Variants in SOS1 observed in about 807,000 individuals in gnomAD.
The protein encoded by SOS1 is SOS Ras/Rac guanine nucleotide exchange factor 1.
SOS1 carries 25 observed loss-of-function variants against 157.6 expected under a neutral mutation model. The observed-to-expected ratio is 0.16, with a 90% CI of 0.12 to 0.22. The LOEUF (loss-of-function observed/expected upper bound fraction) is 0.22. SOS1 is among the 10% of genes least tolerant of loss of function. The pLI is 1.00. For synonymous variants in SOS1, 528 were observed against 534.0 expected (o/e 0.99, Z 0.16); for missense variants, 1,237 against 1,599.1 (o/e 0.77, Z 3.86).
chr2:39,115,472 T>C (rs1033224014), intron 1 of SOS1, among the ~76,000 whole-genome samples: 11 of 135,886 alleles, frequency 8.1e-5, no homozygotes, highest in Admixed American at 5.7e-4. Flanking sequence ...TGGAGTGCAA[T>C]AGCACAATCA....
intron 1 of SOS1, among the ~76,000 whole-genome samples, chr2:39,113,977 A>G (rs371131805): frequency 6.6e-5 from 10 of 152,216 alleles, no homozygotes; most frequent in Admixed American, 3.9e-4. Flanking sequence ...TACTATCACA[A>G]TAAAACTGCT....
At chr2:39,035,584 C>A in intron 6 of SOS1, 84 bp from the exon 7 acceptor site, 2 of 952,238 alleles carry the variant, frequency 2.1e-6, no homozygotes, top group Non-Finnish European at 3.4e-6. Flanking sequence ...ACTATGCGAG[C>A]ACAATTATGT....
At chr2:39,075,616 G>C (rs2924710) in intron 1 of SOS1, among the ~76,000 whole-genome samples, 141,597 of 151,758 alleles carry the variant, frequency 0.93, 66,183 homozygotes, top group African/African-American at 0.97. Flanking sequence ...CCAGCCTGGA[G>C]AAAACAGACA....
intron 1 of SOS1, among the ~76,000 whole-genome samples, chr2:39,106,662 C>CTGG: frequency 6.7e-6 from 1 of 148,896 alleles, no homozygotes; most frequent in Non-Finnish European, 1.5e-5. Context: ...CTTTAAATTA[C>CTGG]TTATTTTCCC....
intron 1 of SOS1, among the ~76,000 whole-genome samples, chr2:39,084,549 C>A (rs1048826805): frequency 1.3e-5 from 2 of 151,838 alleles, no homozygotes; most frequent in African/African-American, 2.4e-5. Flanking sequence ...ATTCCTCCCC[C>A]AAAGCTCTAC....
At chr2:39,104,711 G>A (rs1037685407) in intron 1 of SOS1, among the ~76,000 whole-genome samples, 1 of 152,164 alleles carries the variant, frequency 6.6e-6, no homozygotes, top group South Asian at 2.1e-4. Context: ...ATGTCCACCT[G>A]AATAGAGTAT....
At chr2:39,013,791 G>T in intron 12 of SOS1, 76 bp downstream of exon 12, 1 of 1,282,982 alleles carries the variant, frequency 7.8e-7, no homozygotes, top group Non-Finnish European at 1.1e-6. Flanking sequence ...CCTTGTTTGG[G>T]AAAGGTCCTT....
upstream of SOS1, among the ~76,000 whole-genome samples, chr2:39,122,879 G>A (rs1252942947): frequency 1.3e-5 from 2 of 152,032 alleles, no homozygotes; most frequent in East Asian, 3.9e-4. Flanking sequence ...TGTGATATGG[G>A]GGAAGAGATT....
upstream of SOS1, among the ~76,000 whole-genome samples, chr2:39,123,382 CA>C (rs1285619107): frequency 2.1e-5 from 3 of 146,202 alleles, no homozygotes; most frequent in Non-Finnish European, 3.0e-5. Context: ...TTTTCTGAGA[CA>C]GAGTCTCATT....
At chr2:39,034,612 G>A (rs1347166495) in intron 8 of SOS1, among the ~76,000 whole-genome samples, 2 of 152,130 alleles carry the variant, frequency 1.3e-5, no homozygotes, top group Admixed American at 6.5e-5. Context: ...AAAGAAAAAA[G>A]AGACAACCCC....
intron 1 of SOS1, among the ~76,000 whole-genome samples, chr2:39,101,830 C>A (rs1245444634): frequency 6.6e-6 from 1 of 152,150 alleles, no homozygotes; most frequent in African/African-American, 2.4e-5. Context: ...CTTAATGCTA[C>A]TCACTGCTTG....
At chr2:39,038,747 A>AAAAAAAAAAAAAAAAAAAAAAAAT (rs1558482387) in intron 6 of SOS1, among the ~76,000 whole-genome samples, 1 of 147,480 alleles carries the variant, frequency 6.8e-6, no homozygotes, top group African/African-American at 2.5e-5. Context: ...AAAAAAAAAA[A>AAAAAAAAAAAAAAAAAAAAAAAAT]AGTCGTTTCT....
intron 8 of SOS1, among the ~76,000 whole-genome samples, chr2:39,026,105 C>T (rs1015312422): frequency 1.3e-5 from 2 of 151,998 alleles, no homozygotes; most frequent in Non-Finnish European, 2.9e-5. Flanking sequence ...GCCTGTAATC[C>T]CAGCACTTTG....
chr2:39,083,352 T>C (rs1558505594), intron 1 of SOS1, among the ~76,000 whole-genome samples: 1 of 152,014 alleles, frequency 6.6e-6, no homozygotes, highest in African/African-American at 2.4e-5. Flanking sequence ...AATCAGGAAA[T>C]GGTGGTTAGG....
chr2:39,005,892 G>A (rs554938611), intron 17 of SOS1, among the ~76,000 whole-genome samples: 2 of 152,132 alleles, frequency 1.3e-5, no homozygotes, highest in African/African-American at 4.8e-5. Context: ...GAAAAAGATA[G>A]AGGAACCTAC....
At chr2:39,003,075 A>AACAAAC in intron 17 of SOS1, among the ~76,000 whole-genome samples, 1 of 151,622 alleles carries the variant, frequency 6.6e-6, no homozygotes, top group African/African-American at 2.4e-5. Flanking sequence ...TCAAAAAAAA[A>AACAAAC]AAAGAACGTA....
chr2:39,120,980 G>A lies in SOS1; in HGVS notation c.-558C>T, dbSNP rs1673863238. 2 of 175,918 alleles carry A rather than the reference G, an allele frequency of 1.1e-5. No individual in the cohort carries two copies. Among genetic ancestry groups the A allele is most frequent in the Non-Finnish European group, 2.3e-5 (2 of 86,204 alleles). The allele number at this position is 175,918 out of a possible 1,614,324, so 10.9% of individuals were successfully genotyped here. A position where few individuals can be genotyped will look rare whatever the true frequency, so the allele number is the denominator to read the frequency against. On this transcript the variant is annotated 5_prime_UTR_variant, in exon 1 of 23. Transcript: ENST00000402219. The stretch of plus-strand genomic sequence containing the variant: ...CTGGCTGCCCTGAGGTGCCGCCGCG[G>A]CCGCCGCCGCCACCGCCGCCGCCGG...
At chr2:39,106,319 G>A (rs1188681686) in intron 1 of SOS1, among the ~76,000 whole-genome samples, 3 of 151,868 alleles carry the variant, frequency 2.0e-5, no homozygotes, top group Admixed American at 1.3e-4. Context: ...GGCCGGGCGC[G>A]GTGGCTCACG....
intron 6 of SOS1, among the ~76,000 whole-genome samples, chr2:39,037,479 C>T (rs1670398933): frequency 6.6e-6 from 1 of 152,074 alleles, no homozygotes; most frequent in East Asian, 1.9e-4. Context: ...TATCAGTTTT[C>T]TCTAATCCAT....
Sources: gnomAD v4.1 joint callset for allele counts (sites outside exome capture counted in the v4.1 genomes callset) on GRCh38, gnomAD v4.1.1 for gene constraint, MANE v1.5 for transcripts, NCBI Gene and HGNC (gene_info 2026-07-23, HGNC 2026-07-21) for gene names.